Variants in AEBP2 observed in about 807,000 individuals in gnomAD.
AEBP2 encodes the protein AE binding protein 2.
AEBP2 carries 10 observed loss-of-function variants against 50.8 expected under a neutral mutation model. That is an observed-to-expected ratio of 0.20 (90% CI 0.12 to 0.33). The LOEUF (loss-of-function observed/expected upper bound fraction) is 0.33. AEBP2 is among the 10% of genes least tolerant of loss of function. The pLI, the probability that AEBP2 is intolerant of heterozygous loss-of-function variation, is 1.00. For missense variants in AEBP2, 570 were observed against 688.0 expected, an observed-to-expected ratio of 0.83 and a Z score of 1.92; for synonymous variants, 296 against 261.3, an observed-to-expected ratio of 1.13 and a Z score of -1.28.
At chr12:19,456,760 C>G in intron 1 of AEBP2, 1 of 1,589,518 alleles carries the variant, frequency 6.3e-7, no homozygotes, top group African/African-American at 1.3e-5. Context: ...TGCATTTCGA[C>G]AGATTTTACT....
chr12:19,438,409 C>T (rs915415723), upstream of AEBP2, among the ~76,000 whole-genome samples: 3 of 152,176 alleles, frequency 2.0e-5, no homozygotes, highest in African/African-American at 4.8e-5. Context: ...CAAGTTTTCT[C>T]AACACTTATA....
intron 1 of AEBP2, among the ~76,000 whole-genome samples, chr12:19,443,636 T>C (rs370164757): frequency 6.6e-6 from 1 of 152,026 alleles, no homozygotes; most frequent in Non-Finnish European, 1.5e-5. Context: ...GGCAGGAGAA[T>C]GGCTTGAATC....
intron 1 of AEBP2, among the ~76,000 whole-genome samples, chr12:19,442,602 G>C (rs1947982239): frequency 6.6e-6 from 1 of 152,178 alleles, no homozygotes; most frequent in South Asian, 2.1e-4. Context: ...AAATACGGGT[G>C]TCACAAATCC....
At chr12:19,409,371 A>G (rs1041026059) in intron 1 of AEBP2, among the ~76,000 whole-genome samples, 1 of 151,496 alleles carries the variant, frequency 6.6e-6, no homozygotes, top group African/African-American at 2.4e-5. Context: ...AAAAATCCCT[A>G]TTGCATTATC....
chr12:19,508,104 T>C (rs4963545), intron 5 of AEBP2, among the ~76,000 whole-genome samples: 3,236 of 152,328 alleles, frequency 0.021, 42 homozygotes, highest in East Asian at 0.043. Flanking sequence ...TATTTCATTG[T>C]AGAGGTATTT....
intron 5 of AEBP2, among the ~76,000 whole-genome samples, chr12:19,500,524 T>G (rs1241384301): frequency 6.6e-6 from 1 of 152,166 alleles, no homozygotes; most frequent in Non-Finnish European, 1.5e-5. Context: ...CTAAACCAGG[T>G]GTCTTTTCTC....
upstream of AEBP2, among the ~76,000 whole-genome samples, chr12:19,439,409 G>GGGGCGGGCGCC (rs1415899465): frequency 6.7e-6 from 1 of 149,332 alleles, no homozygotes; most frequent in East Asian, 2.0e-4. Flanking sequence ...ACTGGGCAGC[G>GGGGCGGGCGCC]GGGCGGGCGC....
chr12:19,482,562 G>T (rs1474793137), intron 3 of AEBP2, among the ~76,000 whole-genome samples: 4 of 152,178 alleles, frequency 2.6e-5, no homozygotes, highest in Non-Finnish European at 5.9e-5. Flanking sequence ...ACACTTTGAA[G>T]AGTGCACCAG....
intron 1 of AEBP2, among the ~76,000 whole-genome samples, chr12:19,443,200 G>A (rs1276718841): frequency 6.6e-6 from 1 of 151,428 alleles, no homozygotes; most frequent in Non-Finnish European, 1.5e-5. Context: ...GGGTTCAAGC[G>A]ATTCTCCTTC....
chr12:19,497,173 GGA>G (rs1948995383), intron 4 of AEBP2, among the ~76,000 whole-genome samples: 1 of 151,248 alleles, frequency 6.6e-6, no homozygotes, highest in Non-Finnish European at 1.5e-5. Flanking sequence ...TTTTGGTCAT[GGA>G]CCCAAAATTC....
chr12:19,497,259 A>G (rs1948997039), intron 4 of AEBP2, among the ~76,000 whole-genome samples: 1 of 150,854 alleles, frequency 6.6e-6, no homozygotes, highest in South Asian at 2.1e-4. Flanking sequence ...TAAGGAGAAG[A>G]TAAATCATAC....
At chr12:19,417,902 A>T (rs1206323562) in intron 1 of AEBP2, among the ~76,000 whole-genome samples, 1 of 151,550 alleles carries the variant, frequency 6.6e-6, no homozygotes, top group Admixed American at 6.6e-5. Flanking sequence ...ATGGGGTTTT[A>T]TCATGTTGGC....
At position 19,520,835 on chromosome 12, in the gene AEBP2, C is replaced by T. The variant is rs547135857; in HGVS notation, c.*2718C>T. On this transcript the variant is annotated 3_prime_UTR_variant, in exon 8 of 8. Coordinates refer to ENST00000266508, the MANE Select transcript of AEBP2 (RefSeq NM_153207.5). ...ATAAAAAATGCTCCAAAGTTCAAAACTTTCTGAGTGCTGACATCATGCTGC... is the reference window on the plus strand; with the variant it reads ...ATAAAAAATGCTCCAAAGTTCAAAATTTTCTGAGTGCTGACATCATGCTGC... 6.6e-6 allele frequency: 1 copy of T among 152,296 alleles called. No homozygotes were observed. Among genetic ancestry groups the T allele is most frequent in the South Asian group, 2.1e-4 (1 of 4,824 alleles). 9.4% of individuals were successfully genotyped at this position (152,296 alleles called of 1,614,324 possible).
chr12:19,464,578 AAATT>A (rs569262438), intron 2 of AEBP2, among the ~76,000 whole-genome samples: 412 of 151,368 alleles, frequency 2.7e-3, no homozygotes, highest in African/African-American at 9.5e-3. Flanking sequence ...TATTTTTTTA[AAATT>A]AATTAATTAA....
intron 1 of AEBP2, among the ~76,000 whole-genome samples, chr12:19,427,591 T>TAGAA (rs923037003): frequency 1.4e-4 from 21 of 151,130 alleles, no homozygotes; most frequent in African/African-American, 4.8e-4. Context: ...GCTGGACTTC[T>TAGAA]ATGAGCGAAT....
rs368469203 is a variant in AEBP2, at chr12:19,518,069, C to A, written c.1482-18C>A. 6.3e-7 allele frequency: 1 copy of A among 1,589,730 alleles called. No homozygotes were observed. The highest frequency in any genetic ancestry group is 1.3e-5 in the African/African-American group (1 of 74,168). On this transcript the variant is annotated intron_variant, in intron 7 of 7. Coordinates refer to ENST00000266508, the MANE Select transcript of AEBP2 (RefSeq NM_153207.5). ...TTGATTCAGTTGAATAAAAGGATTT[C>A]TTTTTCTCTTTTTCTAGAACAATGC...
At chr12:19,490,337 A>G (rs1217621573) in intron 3 of AEBP2, among the ~76,000 whole-genome samples, 5 of 152,296 alleles carry the variant, frequency 3.3e-5, no homozygotes, top group East Asian at 3.9e-4. Context: ...AAACTAACCC[A>G]TTAGGGTAAT....
At chr12:19,446,090 G>GTT (rs1285768554) in intron 1 of AEBP2, 1 of 114,720 alleles carries the variant, frequency 8.7e-6, no homozygotes, top group Non-Finnish European at 2.1e-5. Flanking sequence ...TTTGGAATAA[G>GTT]TTTTCTAGTA....
At chr12:19,428,391 AT>A (rs1238481624) in intron 1 of AEBP2, among the ~76,000 whole-genome samples, 1 of 152,234 alleles carries the variant, frequency 6.6e-6, no homozygotes, top group Non-Finnish European at 1.5e-5. Flanking sequence ...TGGTGATGGT[AT>A]GCATGGCTGA....
Sources: allele counts gnomAD v4.1 joint callset (sites outside exome capture counted in the v4.1 genomes callset), GRCh38; gene constraint gnomAD v4.1.1; transcripts MANE v1.5; gene names NCBI Gene and HGNC (gene_info 2026-07-23, HGNC 2026-07-21).